Variants in PIK3C2G observed in about 807,000 individuals in gnomAD.
PIK3C2G encodes the protein phosphatidylinositol-4-phosphate 3-kinase catalytic subunit type 2 gamma.
Under a neutral mutation model 181.1 loss-of-function variants are expected in PIK3C2G, and 168 were observed. The ratio of observed to expected loss-of-function variants is 0.93; its 90% confidence interval spans 0.82 to 1.05. PIK3C2G has a LOEUF of 1.05. Among genes scored for constraint, PIK3C2G ranks in the 50% least tolerant of loss-of-function variants. The pLI is 0.00. For synonymous variants in PIK3C2G, 573 were observed against 592.2 expected (o/e 0.97, Z 0.47); for missense variants, 1,869 against 1,732.8 (o/e 1.08, Z -1.40).
chr12:18,310,818 A>G (rs11044021), intron 5 of PIK3C2G, among the ~76,000 whole-genome samples: 24,820 of 151,970 alleles, frequency 0.16, 2,289 homozygotes, highest in East Asian at 0.41. Context: ...AGCAGAAGGC[A>G]TTACTATAAC....
At chr12:18,665,059 A>C in the PIK3C2G span, among the ~76,000 whole-genome samples, 1 of 151,040 alleles carries the variant, frequency 6.6e-6, no homozygotes, top group Non-Finnish European at 1.5e-5. Flanking sequence ...CTAATGCTAA[A>C]TGACGAGTTG....
chr12:18,315,109 TTAAG>T (rs1441690879), intron 6 of PIK3C2G, among the ~76,000 whole-genome samples: 1 of 152,214 alleles, frequency 6.6e-6, no homozygotes, highest in African/African-American at 2.4e-5. Context: ...GTCATTTATA[TTAAG>T]TAACAGATTT....
chr12:18,377,738 A>T (rs1942553512), intron 13 of PIK3C2G, among the ~76,000 whole-genome samples: 1 of 152,244 alleles, frequency 6.6e-6, no homozygotes, highest in African/African-American at 2.4e-5. Flanking sequence ...TTTAACTAAC[A>T]TAATAAATGT....
chr12:18,648,061 C>G lies in PIK3C2G; in HGVS notation c.*33C>G. 7.1e-7 allele frequency: 1 copy of G among 1,405,858 alleles called. No individual in the cohort carries two copies. Among genetic ancestry groups the G allele is most frequent in the East Asian group, 2.5e-5 (1 of 39,316 alleles). The allele number at this position is 1,405,858 out of a possible 1,614,324, so 87.1% of individuals were successfully genotyped here. A position where few individuals can be genotyped will look rare whatever the true frequency, so the allele number is the denominator to read the frequency against. ...TATGAACATATGCATTATTCATTAA[C>G]TACTTGTATTTTTTTCACTTCTGGG... On this transcript the variant is annotated 3_prime_UTR_variant, in exon 33 of 33. Coordinates refer to ENST00000538779, the MANE Select transcript of PIK3C2G (RefSeq NM_001288772.2).
At chr12:18,703,454 C>G in the PIK3C2G span, among the ~76,000 whole-genome samples, 3 of 152,154 alleles carry the variant, frequency 2.0e-5, no homozygotes, top group Admixed American at 2.0e-4. Flanking sequence ...TGTAATACAG[C>G]TGTTTTTCTT....
intron 25 of PIK3C2G, among the ~76,000 whole-genome samples, chr12:18,543,233 G>C (rs2136259278): frequency 6.6e-6 from 1 of 151,738 alleles, no homozygotes; most frequent in African/African-American, 2.4e-5. Flanking sequence ...CTTTTTAATG[G>C]GTTTTTTTGT....
rs531110246 is a variant in PIK3C2G, at chr12:18,338,519, C to A, written c.1366C>A (p.Leu456Ile). The change falls in exon 9 of 33, where the codon CTA becomes ATA. Residue 456 changes from leucine (L) to isoleucine (I), a missense_variant. By Grantham distance (5) the Leu-to-Ile change is conservative (BLOSUM62 2). Coordinates refer to ENST00000538779, the MANE Select transcript of PIK3C2G (RefSeq NM_001288772.2). ...TKQITDAVNE[L>I]SLILQRKGEN... ...ACAAATTACAGATGCAGTAAATGAA[C>A]TAAGTCTAATTCTTCAGAGAAAAGG... 9 of 1,591,014 alleles carry A rather than the reference C, an allele frequency of 5.7e-6. No homozygotes were observed. The African/African-American group carries it at 1.2e-4, about 21-fold the overall frequency.
At chr12:18,476,652 C>T (rs1361735439) in intron 18 of PIK3C2G, among the ~76,000 whole-genome samples, 1 of 151,884 alleles carries the variant, frequency 6.6e-6, no homozygotes, top group African/African-American at 2.4e-5. Flanking sequence ...TGGTAGAAAA[C>T]TTGATGTTGG....
intron 7 of PIK3C2G, among the ~76,000 whole-genome samples, chr12:18,322,283 G>A (rs1473834949): frequency 6.6e-6 from 1 of 151,814 alleles, no homozygotes; most frequent in Non-Finnish European, 1.5e-5. Flanking sequence ...TTGGGAGGCT[G>A]AGGCAGGAGA....
the PIK3C2G span, among the ~76,000 whole-genome samples, chr12:18,716,398 C>CCAGCAAAATGTT: frequency 6.6e-5 from 10 of 152,198 alleles, no homozygotes; most frequent in Admixed American, 2.0e-4. Context: ...GGTTTGGTCA[C>CCAGCAAAATGTT]CAGCAAAATG....
At chr12:18,580,847 G>A (rs185639505) in intron 29 of PIK3C2G, among the ~76,000 whole-genome samples, 48 of 152,264 alleles carry the variant, frequency 3.2e-4, no homozygotes, top group African/African-American at 1.1e-3. Context: ...GCACTTCATC[G>A]TGTTTGAGAG....
chr12:18,250,922 T>C (rs566657421), intron 1 of PIK3C2G, among the ~76,000 whole-genome samples: 2 of 152,076 alleles, frequency 1.3e-5, no homozygotes, highest in African/African-American at 2.4e-5. Context: ...CAAAATCAGA[T>C]AATTAACTAT....
At chr12:18,290,667 C>A (rs1949653266) in intron 3 of PIK3C2G, among the ~76,000 whole-genome samples, 188 bp from the exon 4 acceptor site, 1 of 152,110 alleles carries the variant, frequency 6.6e-6, no homozygotes. Context: ...GGTATAATTG[C>A]AATCTCTACC....
chr12:18,273,352 A>G (rs146117539), intron 1 of PIK3C2G, among the ~76,000 whole-genome samples: 3 of 152,238 alleles, frequency 2.0e-5, no homozygotes, highest in African/African-American at 7.2e-5. Context: ...TGGTACCAGT[A>G]CCATGCTGTT....
At chr12:18,367,315 T>C (rs1405332016) in intron 12 of PIK3C2G, among the ~76,000 whole-genome samples, 1 of 152,186 alleles carries the variant, frequency 6.6e-6, no homozygotes, top group Non-Finnish European at 1.5e-5. Context: ...ATATGACAAG[T>C]GTGAAAGAAT....
At chr12:18,559,056 T>A (rs997993664) in intron 26 of PIK3C2G, among the ~76,000 whole-genome samples, 3 of 152,174 alleles carry the variant, frequency 2.0e-5, no homozygotes, top group Non-Finnish European at 2.9e-5. Flanking sequence ...TGCACAAATA[T>A]ATAGAGAAAG....
chr12:18,273,983 T>C (rs1269442637), intron 1 of PIK3C2G, among the ~76,000 whole-genome samples: 2 of 151,620 alleles, frequency 1.3e-5, no homozygotes, highest in African/African-American at 4.9e-5. Context: ...CATCAAAAAG[T>C]GGGTGAAGGA....
At position 18,489,701 on chromosome 12, in the gene PIK3C2G, A is replaced by G. The variant is rs1940380149; in HGVS notation, c.2685+1072A>G. On this transcript the variant is annotated intron_variant, in intron 19 of 32. Coordinates refer to ENST00000538779, the MANE Select transcript of PIK3C2G (RefSeq NM_001288772.2). Reference sequence around the variant, plus strand: ...ATTTTTTAAACGTTACTACAAGTTCATTAATTATTTTGTAATGGTAGACAA... The same window carrying G: ...ATTTTTTAAACGTTACTACAAGTTCGTTAATTATTTTGTAATGGTAGACAA... Among the ~76,000 whole-genome samples the G allele has an allele frequency of 3.3e-5, 5 of 152,190 alleles. No homozygotes were observed. In the South Asian group the frequency reaches 1.0e-3, roughly 31 times the overall value.
At chr12:18,443,111 T>A (rs1387821612) in intron 18 of PIK3C2G, among the ~76,000 whole-genome samples, 1 of 152,196 alleles carries the variant, frequency 6.6e-6, no homozygotes, top group East Asian at 1.9e-4. Flanking sequence ...CCTCAGGTGA[T>A]CCACCTGCCT....
Sources: gnomAD v4.1 joint callset for allele counts (sites outside exome capture counted in the v4.1 genomes callset) on GRCh38, gnomAD v4.1.1 for gene constraint, MANE v1.5 for transcripts, NCBI Gene and HGNC (gene_info 2026-07-23, HGNC 2026-07-21) for gene names.